The following ARL17A variants were observed in gnomAD, a reference collection of about 807,000 sequenced individuals.
ARL17A encodes ADP-ribosylation factor-like 17-like.
In ARL17A at chr17:46,553,468, A is replaced by G. The variant is rs2057023628; in HGVS notation, c.*3888T>C. 6 of 1,597,554 alleles carry G rather than the reference A, an allele frequency of 3.8e-6. 1 individual carries two copies. In the East Asian group the frequency reaches 1.4e-4, roughly 36 times the overall value. ...TCTCAAGGTAAATATTAGTCTGGTG[A>G]TTTTTTTTTTCTTCTCTTTTGAGAC... On this transcript the variant is annotated 3_prime_UTR_variant, in exon 4 of 4. Coordinates refer to ENST00000336125, the MANE Select transcript of ARL17A (RefSeq NM_001113738.2).
intron 4 of ARL17A, among the ~76,000 whole-genome samples, chr17:46,533,566 A>G (rs1243157370): frequency 7.7e-6 from 1 of 129,998 alleles, no homozygotes; most frequent in East Asian, 2.2e-4. Context: ...CAGTGGCACA[A>G]TCTTTACTCG....
At chr17:46,568,876 G>A (rs1338542376) in intron 3 of ARL17A, among the ~76,000 whole-genome samples, 2 of 127,040 alleles carry the variant, frequency 1.6e-5, no homozygotes, top group Admixed American at 1.7e-4. Context: ...TGCACTGTGC[G>A]AACTCTGATC....
rs1465528981 is a variant in ARL17A, at chr17:46,530,103, GCTGGTCTCAAACTC to G, written c.336-1258_336-1245del. Among the ~76,000 whole-genome samples the G allele has an allele frequency of 1.1e-3, 164 of 142,718 alleles. 5 individuals are homozygous for G. The Middle Eastern group carries it at 0.021, about 18-fold the overall frequency. 93.6% of individuals were successfully genotyped at this position (142,718 alleles called of 152,430 possible). A position where few individuals can be genotyped will look rare whatever the true frequency, so the allele number is the denominator to read the frequency against. On this transcript the variant is annotated intron_variant, in intron 4 of 4. Transcript: ENST00000329240. ...AACAGGGTCTCACTTTGTTACCCAG[GCTGGTCTCAAACTC>G]CTGGGCTCAAGCTTTCCTTCTGCTT... is the stretch of plus-strand genomic sequence containing the variant.
At position 46,554,123 on chromosome 17, in the gene ARL17A, A is replaced by G. The variant is rs559327681; in HGVS notation, c.*3233T>C. On this transcript the variant is annotated 3_prime_UTR_variant, in exon 4 of 4. Transcript: ENST00000336125. ...TTACTGGTTTTTGGGCCCCTACTCT[A>G]TTCCTTTTATGCAAACCTCACAGAA... 49 of 837,046 alleles carry G rather than the reference A, an allele frequency of 5.9e-5. No individual in the cohort carries two copies. The African/African-American group carries it at 1.1e-3, about 19-fold the overall frequency. 51.9% of individuals were successfully genotyped at this position (837,046 alleles called of 1,614,324 possible).
At position 46,553,059 on chromosome 17, in the gene ARL17A, C is replaced by T. The variant is rs1363100047; in HGVS notation, c.*4297G>A. 2.1e-5 allele frequency among the ~76,000 whole-genome samples: 3 copies of T among 143,488 alleles called. No individual in the cohort carries two copies. Among genetic ancestry groups the T allele is most frequent in the Non-Finnish European group, 3.0e-5 (2 of 67,268 alleles). 94.1% of individuals were successfully genotyped at this position (143,488 alleles called of 152,430 possible). The stretch of plus-strand genomic sequence containing the variant: ...AACAGAGGATGACACTGCACTCCAG[C>T]GTAAGCAACAGAGGGCAATCCTGTC... On this transcript the variant is annotated 3_prime_UTR_variant, in exon 4 of 4. Coordinates refer to ENST00000336125, the MANE Select transcript of ARL17A (RefSeq NM_001113738.2).
At chr17:46,575,395 C>T (rs1296321119) in intron 2 of ARL17A, among the ~76,000 whole-genome samples, 1 of 151,952 alleles carries the variant, frequency 6.6e-6, no homozygotes, top group Non-Finnish European at 1.5e-5. Flanking sequence ...GAAAAGAAAT[C>T]ACACTCCATC....
downstream of ARL17A, among the ~76,000 whole-genome samples, chr17:46,525,468 T>C (rs1313563650): frequency 8.9e-6 from 1 of 111,890 alleles, no homozygotes; most frequent in Admixed American, 8.6e-5. Context: ...GCAACTGTAA[T>C]CCTAGGTACT....
chr17:46,525,602 T>TAATATAATAATA (rs1346950818), downstream of ARL17A, among the ~76,000 whole-genome samples: 1 of 103,292 alleles, frequency 9.7e-6, no homozygotes, highest in East Asian at 2.7e-4. Flanking sequence ...ATAATAATAA[T>TAATATAATAATA]ATAATAATAA....
chr17:46,501,560 AC>A, the ARL17A span, among the ~76,000 whole-genome samples: 1 of 151,266 alleles, frequency 6.6e-6, no homozygotes, highest in Non-Finnish European at 1.5e-5. Flanking sequence ...TTTATCATCA[AC>A]ATGCTCATCA....
At chr17:46,503,752 G>T in the ARL17A span, among the ~76,000 whole-genome samples, 3 of 90,528 alleles carry the variant, frequency 3.3e-5, no homozygotes, top group South Asian at 5.3e-4. Flanking sequence ...TTAAGCAGGG[G>T]TAACTTGGGG....
chr17:46,558,015 G>C (rs1223126377), intron 3 of ARL17A, among the ~76,000 whole-genome samples: 1 of 137,120 alleles, frequency 7.3e-6, no homozygotes, highest in Admixed American at 7.4e-5. Context: ...CATTGAAAAA[G>C]GCTGCCAGAG....
downstream of ARL17A, among the ~76,000 whole-genome samples, chr17:46,551,034 G>A (rs1198900114): frequency 6.7e-6 from 1 of 149,900 alleles, no homozygotes; most frequent in Admixed American, 6.6e-5. Context: ...CTACAGAGTA[G>A]CCATCTTTTA....
At chr17:46,558,565 T>A (rs1282187679) in intron 3 of ARL17A, among the ~76,000 whole-genome samples, 6 of 131,572 alleles carry the variant, frequency 4.6e-5, no homozygotes, top group African/African-American at 1.8e-4. Flanking sequence ...TTTTTTTTTT[T>A]TTTTTTTTCT....
intron 3 of ARL17A, among the ~76,000 whole-genome samples, chr17:46,541,410 CCTGG>C (rs1403853729): frequency 2.0e-5 from 3 of 148,216 alleles, no homozygotes; most frequent in Non-Finnish European, 4.4e-5. Flanking sequence ...TGCCACCACA[CCTGG>C]CTAATTTTTG....
chr17:46,544,014 G>T (rs1006079463), intron 3 of ARL17A, among the ~76,000 whole-genome samples: 4 of 133,138 alleles, frequency 3.0e-5, no homozygotes, highest in African/African-American at 1.4e-4. Flanking sequence ...GTACTCAGGA[G>T]GCTGAGGTGG....
rs1181785970 is a variant in ARL17A at position 46,529,199 on chromosome 17, A to C, written c.336-340T>G. Among the ~76,000 whole-genome samples the C allele has an allele frequency of 9.7e-5, 13 of 133,680 alleles. No individual in the cohort carries two copies. In the South Asian group the frequency reaches 2.6e-3, roughly 26 times the overall value. The allele number at this position is 133,680 out of a possible 152,430, so 87.7% of individuals were successfully genotyped here. Reference sequence around the variant, plus strand: ...CCTGTACAGAAGAATTTGGAGGGAAAAAAAAGAACAAGCAAGAAATGTTCC... The same window carrying C: ...CCTGTACAGAAGAATTTGGAGGGAACAAAAAGAACAAGCAAGAAATGTTCC... On this transcript the variant is annotated intron_variant, in intron 4 of 4. Coordinates refer to the ARL17A transcript ENST00000329240.
chr17:46,542,558 G>C (rs1439616774), intron 3 of ARL17A, among the ~76,000 whole-genome samples: 1 of 148,970 alleles, frequency 6.7e-6, no homozygotes, highest in Non-Finnish European at 1.5e-5. Context: ...AGCCAGGTGT[G>C]GTGGCACACG....
downstream of ARL17A, among the ~76,000 whole-genome samples, chr17:46,525,602 T>TAAA (rs1346950818): frequency 9.7e-6 from 1 of 103,266 alleles, no homozygotes; most frequent in South Asian, 4.5e-4. Context: ...ATAATAATAA[T>TAAA]ATAATAATAA....
At chr17:46,516,282 G>T (rs1384330070), downstream of ARL17A, among the ~76,000 whole-genome samples, 1 of 113,226 alleles carries the variant, frequency 8.8e-6, no homozygotes, top group South Asian at 2.8e-4. Context: ...CAGCCTGGGC[G>T]ACAGAGCAAG....
Sources: allele counts gnomAD v4.1 joint callset (sites outside exome capture counted in the v4.1 genomes callset), GRCh38; gene constraint gnomAD v4.1.1; transcripts MANE v1.5; gene names NCBI Gene and HGNC (gene_info 2026-07-23, HGNC 2026-07-21).